The following GRID2 variants were observed in gnomAD, a reference collection of about 807,000 sequenced individuals.
The protein encoded by GRID2 is glutamate ionotropic receptor delta type subunit 2.
In GRID2, 33 loss-of-function variants were observed where a neutral mutation model predicts 114.8. The ratio of observed to expected loss-of-function variants is 0.29; its 90% CI spans 0.22 to 0.38. The LOEUF (loss-of-function observed/expected upper bound fraction) is 0.38, where lower values mean the gene tolerates loss of function less well. Among genes scored for constraint, GRID2 ranks in the 10% least tolerant of loss-of-function variants. The pLI is 1.00. For synonymous variants in GRID2, 505 were observed against 449.9 expected (o/e 1.12, Z -1.55); for missense variants, 1,184 against 1,257.7 (o/e 0.94, Z 0.89).
chr4:92,465,731 T>C (rs1446418225), intron 1 of GRID2, among the ~76,000 whole-genome samples: 1 of 152,054 alleles, frequency 6.6e-6, no homozygotes, highest in African/African-American at 2.4e-5. Context: ...GTCTTGCTAT[T>C]AAATTAGGGG....
At chr4:93,321,575 G>C (rs1757217997) in intron 8 of GRID2, among the ~76,000 whole-genome samples, 3 of 151,992 alleles carry the variant, frequency 2.0e-5, no homozygotes, top group Non-Finnish European at 4.4e-5. Context: ...TGTCATTTTA[G>C]ATTCAGCCCT....
chr4:92,948,034 A>T (rs568478881), intron 2 of GRID2, among the ~76,000 whole-genome samples: 17 of 151,950 alleles, frequency 1.1e-4, no homozygotes, highest in East Asian at 5.8e-4. Flanking sequence ...ATGGGAATTT[A>T]AAAAAATTTG....
At chr4:92,800,160 G>A (rs564212319) in intron 2 of GRID2, among the ~76,000 whole-genome samples, 25 of 151,794 alleles carry the variant, frequency 1.6e-4, no homozygotes, top group South Asian at 1.5e-3. Context: ...TTTATTTAAC[G>A]TGAGTCAGTT....
In GRID2 at chr4:93,649,294, A is replaced by G. The variant is rs1428437566; in HGVS notation, c.2360+22859A>G. Reference sequence around the variant, plus strand: ...GCTTTGCCTATAGGAAATCAACAACATGATGTTAACTAATGCATTGGGTAG... The same window carrying G: ...GCTTTGCCTATAGGAAATCAACAACGTGATGTTAACTAATGCATTGGGTAG... On this transcript the variant is annotated intron_variant, in intron 14 of 15. Transcript: ENST00000282020. 2.6e-5 allele frequency among the ~76,000 whole-genome samples: 4 copies of G among 152,196 alleles called. No individual in the cohort carries two copies. The East Asian group carries it at 5.8e-4, about 22-fold the overall frequency.
intron 9 of GRID2, among the ~76,000 whole-genome samples, chr4:93,398,564 T>A (rs1302259245): frequency 6.6e-6 from 1 of 151,894 alleles, no homozygotes; most frequent in Non-Finnish European, 1.5e-5. Context: ...ACAATCATGT[T>A]AAATTCATTT....
In GRID2 at chr4:92,996,634, G is replaced by A. The variant is rs187543778; in HGVS notation, c.245-88361G>A. The stretch of plus-strand genomic sequence containing the variant: ...GTTGGAGATGGGGAATGAGAAGTCA[G>A]GAGCCGGAAAATTCTAAACTCTTTT... On this transcript the variant is annotated intron_variant, in intron 2 of 15. Coordinates refer to ENST00000282020, the MANE Select transcript of GRID2 (RefSeq NM_001510.4). Among the ~76,000 whole-genome samples, 20 of 152,232 alleles carry A rather than the reference G, an allele frequency of 1.3e-4. No individual in the cohort carries two copies. The East Asian group carries it at 3.7e-3, about 28-fold the overall frequency.
intron 2 of GRID2, among the ~76,000 whole-genome samples, chr4:93,072,822 G>T (rs1284770338): frequency 1.3e-5 from 2 of 152,030 alleles, no homozygotes; most frequent in African/African-American, 4.8e-5. Context: ...AATCTATTAT[G>T]GGAAGTTAAA....
At chr4:93,308,006 A>G (rs1297630854) in intron 8 of GRID2, among the ~76,000 whole-genome samples, 2 of 152,152 alleles carry the variant, frequency 1.3e-5, no homozygotes, top group Non-Finnish European at 2.9e-5. Context: ...TGTGAAGTAG[A>G]TATCAATTCA....
intron 2 of GRID2, among the ~76,000 whole-genome samples, chr4:92,676,873 A>G (rs141383951): frequency 6.6e-6 from 1 of 152,322 alleles, no homozygotes; most frequent in East Asian, 1.9e-4. Context: ...AAGCAACCCC[A>G]GTGTCAATCA....
intron 8 of GRID2, among the ~76,000 whole-genome samples, chr4:93,326,681 C>T (rs1757872352): frequency 6.6e-6 from 1 of 151,966 alleles, no homozygotes; most frequent in South Asian, 2.1e-4. Flanking sequence ...TGTATTACAC[C>T]TCATGCTTCT....
intron 14 of GRID2, among the ~76,000 whole-genome samples, chr4:93,678,958 C>T (rs1290907284): frequency 6.6e-6 from 1 of 150,852 alleles, no homozygotes; most frequent in African/African-American, 2.5e-5. Context: ...GGACTGAATC[C>T]TCCAATTAAA....
intron 13 of GRID2, among the ~76,000 whole-genome samples, chr4:93,593,426 T>C (rs1379881919): frequency 8.3e-5 from 11 of 132,242 alleles, no homozygotes; most frequent in Admixed American, 3.1e-4. Context: ...AGAGATCCGC[T>C]GTTAGTCTGA....
intron 2 of GRID2, among the ~76,000 whole-genome samples, chr4:92,975,556 T>A (rs1451938971): frequency 6.6e-6 from 1 of 152,190 alleles, no homozygotes; most frequent in Non-Finnish European, 1.5e-5. Context: ...TTACTTGAAT[T>A]AAACTAGTGG....
chr4:93,629,057 G>A (rs770511891), intron 14 of GRID2, among the ~76,000 whole-genome samples: 5 of 152,074 alleles, frequency 3.3e-5, no homozygotes, highest in South Asian at 2.1e-4. Context: ...ATGAGCCACC[G>A]CGCCCAGCGA....
chr4:93,623,964 T>C (rs1742452021), intron 13 of GRID2, among the ~76,000 whole-genome samples: 1 of 152,164 alleles, frequency 6.6e-6, no homozygotes, highest in Non-Finnish European at 1.5e-5. Context: ...TAAATGTCTT[T>C]TGTAATTATG....
chr4:93,304,254 TTAAA>T (rs1755175355), intron 8 of GRID2, among the ~76,000 whole-genome samples: 1 of 78,068 alleles, frequency 1.3e-5, no homozygotes, highest in South Asian at 4.1e-4. Context: ...AAATAATATT[TTAAA>T]TATATATATA....
chr4:92,919,539 C>T (rs912621740), intron 2 of GRID2, among the ~76,000 whole-genome samples: 3 of 152,162 alleles, frequency 2.0e-5, no homozygotes, highest in Non-Finnish European at 4.4e-5. Context: ...CCCAGAGATT[C>T]TGGTATGTTG....
chr4:92,766,843 G>A (rs971953252), intron 2 of GRID2, among the ~76,000 whole-genome samples: 1 of 152,172 alleles, frequency 6.6e-6, no homozygotes, highest in African/African-American at 2.4e-5. Context: ...CTGTTTCACA[G>A]ATTGATTTTA....
At position 93,395,537 on chromosome 4, in the gene GRID2, T is replaced by A. The variant is rs781040352; in HGVS notation, c.1246-70T>A. 1.5e-5 allele frequency: 11 copies of A among 735,006 alleles called. No individual in the cohort carries two copies. In the African/African-American group the frequency reaches 1.7e-4, roughly 12 times the overall value. The allele number at this position is 735,006 out of a possible 1,614,324, so 45.5% of individuals were successfully genotyped here. A position where few individuals can be genotyped will look rare whatever the true frequency, so the allele number is the denominator to read the frequency against. On this transcript the variant is annotated intron_variant, in intron 8 of 15. Coordinates refer to ENST00000282020, the MANE Select transcript of GRID2 (RefSeq NM_001510.4). The stretch of plus-strand genomic sequence containing the variant: ...CTAAGAGCTATCACATAGTTCTCCA[T>A]AAAGACTATACAGAGGTGATGGGAC...
Sources: gnomAD v4.1 joint callset for allele counts (sites outside exome capture counted in the v4.1 genomes callset) on GRCh38, gnomAD v4.1.1 for gene constraint, MANE v1.5 for transcripts, NCBI Gene and HGNC (gene_info 2026-07-23, HGNC 2026-07-21) for gene names.